Variants in PAX5 observed in about 807,000 individuals in gnomAD.
PAX5 encodes paired box 5.
PAX5 carries 9 observed loss-of-function variants against 43.7 expected under a neutral mutation model. That is an observed-to-expected ratio of 0.21 (90% CI 0.12 to 0.36). PAX5 has a LOEUF of 0.36. PAX5 is among the 10% of genes least tolerant of loss of function. The pLI, the probability that PAX5 is intolerant of heterozygous loss-of-function variation, is 1.00. For missense variants in PAX5, 383 were observed against 532.7 expected, an observed-to-expected ratio of 0.72 and a Z score of 2.77; for synonymous variants, 228 against 214.3, an observed-to-expected ratio of 1.06 and a Z score of -0.56.
chr9:36,850,348 G>A (rs1055037781), intron 8 of PAX5, among the ~76,000 whole-genome samples: 2 of 152,266 alleles, frequency 1.3e-5, no homozygotes, highest in Admixed American at 1.3e-4. Context: ...CACAGTCTAA[G>A]CAAGAGGGAC....
intron 5 of PAX5, among the ~76,000 whole-genome samples, chr9:36,993,988 G>A (rs1299878290): frequency 6.6e-6 from 1 of 152,192 alleles, no homozygotes; most frequent in Non-Finnish European, 1.5e-5. Context: ...AACAGAGAGG[G>A]TGGGGGTTCA....
rs186187834 is a variant in PAX5 at position 36,907,333 on chromosome 9, T to C, written c.910+16022A>G. 9.8e-5 allele frequency among the ~76,000 whole-genome samples: 15 copies of C among 152,320 alleles called. No individual in the cohort carries two copies. The South Asian group carries it at 1.4e-3, about 15-fold the overall frequency. ...GTTCAAACTGCTCAGAAGTGCTTCT[T>C]CTCACTAAACTAAAGCTTCCTCCCC... On this transcript the variant is annotated intron_variant, in intron 7 of 9. Coordinates refer to ENST00000358127, the MANE Select transcript of PAX5 (RefSeq NM_016734.3).
At chr9:36,981,146 G>A (rs536982855) in intron 5 of PAX5, among the ~76,000 whole-genome samples, 44 of 149,072 alleles carry the variant, frequency 3.0e-4, no homozygotes, top group African/African-American at 9.2e-4. Flanking sequence ...CTGCTCAAAC[G>A]TCAGCTCATC....
chr9:36,925,303 G>C (rs1587988709), intron 6 of PAX5, among the ~76,000 whole-genome samples: 1 of 152,164 alleles, frequency 6.6e-6, no homozygotes, highest in Non-Finnish European at 1.5e-5. Flanking sequence ...TCAAAGGCTG[G>C]TTCTGAAACA....
chr9:37,012,514 G>A (rs1839027699), intron 3 of PAX5, among the ~76,000 whole-genome samples: 1 of 152,160 alleles, frequency 6.6e-6, no homozygotes, highest in African/African-American at 2.4e-5. Context: ...CGCCCCTGAG[G>A]CTAGCCATGG....
chr9:36,927,673 A>G (rs1452026865), intron 6 of PAX5, among the ~76,000 whole-genome samples: 1 of 151,322 alleles, frequency 6.6e-6, no homozygotes, highest in African/African-American at 2.4e-5. Flanking sequence ...ACGAGTCCTT[A>G]GCTGCACTTC....
intron 8 of PAX5, among the ~76,000 whole-genome samples, chr9:36,881,482 G>C (rs569714569): frequency 6.6e-6 from 1 of 152,176 alleles, no homozygotes; most frequent in African/African-American, 2.4e-5. Flanking sequence ...CGGCCTGGGG[G>C]GATCAGGTTC....
In PAX5 at chr9:36,932,586, A is replaced by G. The variant is rs548409277; in HGVS notation, c.781-9102T>C. On this transcript the variant is annotated intron_variant, in intron 6 of 9. Transcript: ENST00000358127. Reference sequence around the variant, plus strand: ...ATGGGGGTGGGATCAGAGATTAACTATAAACCAGCATGAGGGATCTTTCTG... The same window carrying G: ...ATGGGGGTGGGATCAGAGATTAACTGTAAACCAGCATGAGGGATCTTTCTG... Among the ~76,000 whole-genome samples, 8 of 152,352 alleles carry G rather than the reference A, an allele frequency of 5.3e-5. No homozygotes were observed. The South Asian group carries it at 1.7e-3, about 32-fold the overall frequency.
At position 37,015,875 on chromosome 9, in the gene PAX5, C is replaced by T. The variant is rs757152749; in HGVS notation, c.213-681G>A. Among the ~76,000 whole-genome samples, 53 of 152,182 alleles carry T rather than the reference C, an allele frequency of 3.5e-4. No homozygotes were observed. Among genetic ancestry groups the T allele is most frequent in the Non-Finnish European group, 1.6e-4 (11 of 68,028 alleles). Reference sequence around the variant, plus strand: ...GATTACAGGCATGAGCCACCACGCCCGGCCAGTCTCTCATTGTATTTCTAT... The same window carrying T: ...GATTACAGGCATGAGCCACCACGCCTGGCCAGTCTCTCATTGTATTTCTAT... On this transcript the variant is annotated intron_variant, in intron 2 of 9. Transcript: ENST00000358127. This position sits in a 1 kb window ranked among gnomAD's most constrained non-coding sequence, Gnocchi z 4.4.
chr9:36,984,353 C>A (rs1836197602), intron 5 of PAX5, among the ~76,000 whole-genome samples: 1 of 151,314 alleles, frequency 6.6e-6, no homozygotes, highest in Non-Finnish European at 1.5e-5. Flanking sequence ...TATGCACAGG[C>A]TCTGAAAACA....
intron 7 of PAX5, among the ~76,000 whole-genome samples, chr9:36,897,722 C>T (rs1216021904): frequency 1.3e-5 from 2 of 152,220 alleles, no homozygotes; most frequent in African/African-American, 2.4e-5. Context: ...TTCCCTCTGT[C>T]TTCACAGAAC....
At chr9:36,876,538 C>G (rs551856640) in intron 8 of PAX5, among the ~76,000 whole-genome samples, 47 of 152,284 alleles carry the variant, frequency 3.1e-4, no homozygotes, top group Middle Eastern at 3.4e-3. Context: ...AATGCCATGT[C>G]GATATCTGCA....
intron 9 of PAX5, among the ~76,000 whole-genome samples, chr9:36,843,700 G>C (rs1450234388): frequency 1.3e-5 from 2 of 152,102 alleles, no homozygotes; most frequent in Non-Finnish European, 2.9e-5. Context: ...CTTGCTGCTA[G>C]GGCACAGGTG....
chr9:36,866,870 C>T (rs546629863), intron 8 of PAX5, among the ~76,000 whole-genome samples: 20 of 152,266 alleles, frequency 1.3e-4, no homozygotes, highest in African/African-American at 4.6e-4. Flanking sequence ...CTCCGTTGAA[C>T]ACACAACACG....
chr9:36,893,878 CATG>C (rs1478750726), intron 7 of PAX5, among the ~76,000 whole-genome samples: 1 of 152,236 alleles, frequency 6.6e-6, no homozygotes. Flanking sequence ...GTCACTTCAA[CATG>C]ATATTATGCA....
intron 7 of PAX5, among the ~76,000 whole-genome samples, chr9:36,886,480 G>A (rs1042823769): frequency 5.9e-5 from 9 of 152,126 alleles, no homozygotes; most frequent in Non-Finnish European, 8.8e-5. Context: ...GAGGACACAG[G>A]CAGTTTCACC....
intron 1 of PAX5, among the ~76,000 whole-genome samples, chr9:37,033,379 A>G (rs1841185705): frequency 6.6e-6 from 1 of 152,182 alleles, no homozygotes; most frequent in African/African-American, 2.4e-5. Flanking sequence ...AGCCGTTGAC[A>G]TCCAAAAATG....
At chr9:36,956,391 A>T (rs1162999847) in intron 6 of PAX5, among the ~76,000 whole-genome samples, 2 of 152,256 alleles carry the variant, frequency 1.3e-5, no homozygotes, top group African/African-American at 4.8e-5. Flanking sequence ...AAGTCAAAAT[A>T]AAAATAAGTG....
chr9:36,889,680 C>G (rs2131807115), intron 7 of PAX5, among the ~76,000 whole-genome samples: 1 of 152,350 alleles, frequency 6.6e-6, no homozygotes, highest in East Asian at 1.9e-4. Context: ...AAGAACTGCT[C>G]TCATTCCTGT....
Sources: gnomAD v4.1 joint callset for allele counts (sites outside exome capture counted in the v4.1 genomes callset) on GRCh38, gnomAD v4.1.1 for gene constraint, Gnocchi (gnomAD v3.1) non-coding constraint, MANE v1.5 for transcripts, NCBI Gene and HGNC (gene_info 2026-07-23, HGNC 2026-07-21) for gene names.